Variants in CNTN4 observed in about 807,000 individuals in gnomAD.
CNTN4 encodes contactin 4, also known as contactin-4.
Under a neutral mutation model 122.5 loss-of-function variants are expected in CNTN4, and 77 were observed. That is an observed-to-expected ratio of 0.63 (90% CI 0.52 to 0.76). The LOEUF is 0.76. Among genes scored for constraint, CNTN4 ranks in the 30% least tolerant of loss-of-function variants. The pLI, the probability that CNTN4 is intolerant of heterozygous loss-of-function variation, is 0.00. For missense variants in CNTN4, 1,256 were observed against 1,259.1 expected (o/e 1.00, Z 0.04); for synonymous variants, 512 against 447.0 (o/e 1.15, Z -1.83).
intron 2 of CNTN4, among the ~76,000 whole-genome samples, chr3:2,319,286 G>T (rs1370605024): frequency 6.9e-6 from 1 of 145,418 alleles, no homozygotes; most frequent in Non-Finnish European, 1.5e-5. Flanking sequence ...AATATCCAGA[G>T]ATATTCAAGA....
At chr3:2,962,437 C>G (rs1404402094) in intron 13 of CNTN4, among the ~76,000 whole-genome samples, 1 of 152,188 alleles carries the variant, frequency 6.6e-6, no homozygotes, top group Non-Finnish European at 1.5e-5. Flanking sequence ...ACCAAAATAA[C>G]TCTAGCTAAC....
At chr3:2,950,896 C>A (rs1232150617) in intron 13 of CNTN4, among the ~76,000 whole-genome samples, 1 of 152,146 alleles carries the variant, frequency 6.6e-6, no homozygotes, top group East Asian at 1.9e-4. Context: ...ACACGAGTTG[C>A]CTATCTTGAT....
intron 3 of CNTN4, among the ~76,000 whole-genome samples, chr3:2,459,071 G>A (rs2049106072): frequency 6.6e-6 from 1 of 152,080 alleles, no homozygotes; most frequent in South Asian, 2.1e-4. Flanking sequence ...TCTGATAAAA[G>A]GATACCCTGT....
At chr3:2,803,102 TA>T (rs1192417807) in intron 6 of CNTN4, among the ~76,000 whole-genome samples, 1 of 152,082 alleles carries the variant, frequency 6.6e-6, no homozygotes, top group African/African-American at 2.4e-5. Flanking sequence ...GTAAGAAAAA[TA>T]AAAATCCTTT....
At chr3:2,473,716 T>C (rs767470831) in intron 3 of CNTN4, among the ~76,000 whole-genome samples, 1 of 151,964 alleles carries the variant, frequency 6.6e-6, no homozygotes, top group Non-Finnish European at 1.5e-5. Flanking sequence ...GGGGTAACAG[T>C]ATACAACATT....
chr3:2,569,845 T>A (rs2079340692), intron 3 of CNTN4, among the ~76,000 whole-genome samples: 1 of 152,144 alleles, frequency 6.6e-6, no homozygotes, highest in Non-Finnish European at 1.5e-5. Flanking sequence ...TTGTGAAGAT[T>A]GCCAAACAAA....
intron 12 of CNTN4, among the ~76,000 whole-genome samples, chr3:2,903,745 CT>C (rs796563282): frequency 3.9e-5 from 6 of 152,096 alleles, no homozygotes; most frequent in African/African-American, 1.4e-4. Context: ...ACAGTTTACA[CT>C]TTTTTTTGTG....
intron 14 of CNTN4, among the ~76,000 whole-genome samples, chr3:3,002,700 T>C (rs1439140192): frequency 6.6e-6 from 1 of 152,170 alleles, no homozygotes; most frequent in East Asian, 1.9e-4. Flanking sequence ...GTTCTCTGAT[T>C]TGATGAAGAA....
At chr3:2,263,839 C>G (rs1479895489) in intron 2 of CNTN4, among the ~76,000 whole-genome samples, 1 of 123,112 alleles carries the variant, frequency 8.1e-6, no homozygotes, top group Admixed American at 8.1e-5. Flanking sequence ...TCCCTGAAAT[C>G]TACTTTTTTA....
chr3:2,429,690 A>G (rs1449462245), intron 3 of CNTN4, among the ~76,000 whole-genome samples: 3 of 152,182 alleles, frequency 2.0e-5, no homozygotes, highest in Non-Finnish European at 4.4e-5. Flanking sequence ...GTTGGAGTCT[A>G]CAGAGGCAGG....
intron 6 of CNTN4, among the ~76,000 whole-genome samples, chr3:2,785,592 A>G (rs62232884): frequency 0.34 from 51,519 of 152,100 alleles, 9,105 homozygotes; most frequent in East Asian, 0.58. Context: ...AATGTTTAAC[A>G]CAAACAAGTT....
At chr3:2,893,505 G>A (rs1002206725) in intron 10 of CNTN4, among the ~76,000 whole-genome samples, 5 of 152,122 alleles carry the variant, frequency 3.3e-5, no homozygotes, top group Non-Finnish European at 7.4e-5. Context: ...TTAAGATAAA[G>A]TCAACAATTT....
intron 3 of CNTN4, among the ~76,000 whole-genome samples, chr3:2,498,536 A>G (rs1284049050): frequency 2.0e-5 from 3 of 152,112 alleles, no homozygotes; most frequent in Non-Finnish European, 2.9e-5. Flanking sequence ...GAGTGCATGC[A>G]GTGGCATGAT....
intron 13 of CNTN4, among the ~76,000 whole-genome samples, chr3:2,945,094 G>T (rs1018273381): frequency 6.6e-6 from 1 of 152,162 alleles, no homozygotes; most frequent in Non-Finnish European, 1.5e-5. Flanking sequence ...GCTTTAAGCT[G>T]CCCCATATTC....
intron 6 of CNTN4, among the ~76,000 whole-genome samples, chr3:2,778,546 T>C (rs1395939405): frequency 1.3e-5 from 2 of 152,154 alleles, no homozygotes; most frequent in Non-Finnish European, 2.9e-5. Flanking sequence ...CTCACTCATA[T>C]TCATTATAAA....
chr3:2,199,327 G>C (rs2037988081), intron 2 of CNTN4, among the ~76,000 whole-genome samples: 1 of 151,900 alleles, frequency 6.6e-6, no homozygotes, highest in Non-Finnish European at 1.5e-5. Context: ...TACTTTTAAA[G>C]TGTGTGTGTG....
chr3:2,707,464 A>G (rs2085140680), intron 4 of CNTN4, among the ~76,000 whole-genome samples: 1 of 152,208 alleles, frequency 6.6e-6, no homozygotes, highest in Admixed American at 6.5e-5. Context: ...AGATAGCTGC[A>G]TAAGAATTCT....
chr3:2,194,226 G>C (rs1220706122), intron 2 of CNTN4, among the ~76,000 whole-genome samples: 1 of 152,112 alleles, frequency 6.6e-6, no homozygotes, highest in Non-Finnish European at 1.5e-5. Context: ...GACTTTGGGA[G>C]GCTGAGGCAG....
rs560857628 is a variant in CNTN4 at position 2,367,141 on chromosome 3, T to C, written c.-89+27908T>C. ...AAATGGTATATAATAAAAAGCAGTTTCTAGCATAAACAACAAAATGAATAA... is the reference window on the plus strand; with the variant it reads ...AAATGGTATATAATAAAAAGCAGTTCCTAGCATAAACAACAAAATGAATAA... On this transcript the variant is annotated intron_variant, in intron 3 of 24. Transcript: ENST00000418658. Among the ~76,000 whole-genome samples the C allele has an allele frequency of 4.3e-4, 65 of 152,068 alleles. 2 individuals are homozygous for C. The highest frequency in any genetic ancestry group is 1.4e-3 in the African/African-American group (60 of 41,488).
Sources: gnomAD v4.1 joint callset for allele counts (sites outside exome capture counted in the v4.1 genomes callset) on GRCh38, gnomAD v4.1.1 for gene constraint, MANE v1.5 for transcripts, NCBI Gene and HGNC (gene_info 2026-07-23, HGNC 2026-07-21) for gene names.